The following PDE4D variants were observed in gnomAD, a reference collection of about 807,000 sequenced individuals.
The protein encoded by PDE4D is phosphodiesterase 4D, also known as 3',5'-cyclic-AMP phosphodiesterase 4D.
PDE4D carries 24 observed loss-of-function variants against 87.4 expected under a neutral mutation model. That is an observed-to-expected ratio of 0.27 (90% confidence interval 0.20 to 0.39). PDE4D has a LOEUF of 0.39. Ranked by LOEUF, PDE4D falls within the 10% of genes least tolerant of loss-of-function variation. PDE4D has a pLI of 1.00. For synonymous variants in PDE4D, 384 were observed against 383.2 expected, an observed-to-expected ratio of 1.00 and a Z score of -0.02; for missense variants, 714 against 1,041.0, an observed-to-expected ratio of 0.69 and a Z score of 4.32.
At chr5:60,347,698 C>T (rs1359363916) in intron 1 of PDE4D, among the ~76,000 whole-genome samples, 1 of 152,116 alleles carries the variant, frequency 6.6e-6, no homozygotes, top group Non-Finnish European at 1.5e-5. Context: ...CAGCTAAAAG[C>T]ACTACTGAAG....
chr5:59,770,355 A>G (rs928528128), intron 1 of PDE4D, among the ~76,000 whole-genome samples: 1 of 152,190 alleles, frequency 6.6e-6, no homozygotes, highest in African/African-American at 2.4e-5. Flanking sequence ...AAAGGATTGG[A>G]CAATACTTAG....
intron 1 of PDE4D, among the ~76,000 whole-genome samples, chr5:59,308,433 C>A (rs894548050): frequency 6.6e-6 from 1 of 152,056 alleles, no homozygotes; most frequent in South Asian, 2.1e-4. Flanking sequence ...TTGGTAATGG[C>A]AAATTTTCTC....
chr5:59,768,698 G>GT, intron 1 of PDE4D: 1 of 1,379,078 alleles, frequency 7.3e-7, no homozygotes. Flanking sequence ...CCGCGGAAGC[G>GT]TATTAAACGT....
At chr5:60,257,222 GAGAAAGAAAGAAAGAA>G (rs142753730) in intron 1 of PDE4D, among the ~76,000 whole-genome samples, 5 of 143,242 alleles carry the variant, frequency 3.5e-5, no homozygotes, top group African/African-American at 5.3e-5. Flanking sequence ...AAGAAAGAAA[GAGAAAGAAAGAAAGAA>G]AGAAAGAAAG....
intron 1 of PDE4D, among the ~76,000 whole-genome samples, chr5:59,446,006 A>T (rs1798287632): frequency 1.3e-5 from 2 of 152,176 alleles, no homozygotes; most frequent in Admixed American, 1.3e-4. Flanking sequence ...TAACTAAATA[A>T]CTGAGCTAAT....
intron 5 of PDE4D, among the ~76,000 whole-genome samples, chr5:59,093,434 T>C (rs898503712): frequency 6.6e-6 from 1 of 152,210 alleles, no homozygotes; most frequent in Admixed American, 6.5e-5. Context: ...TTTGAAAGCC[T>C]ATAGAGTTTG....
intron 5 of PDE4D, among the ~76,000 whole-genome samples, chr5:59,067,307 G>A (rs980720047): frequency 6.6e-6 from 1 of 152,050 alleles, no homozygotes; most frequent in African/African-American, 2.4e-5. Flanking sequence ...ATGAGCCACT[G>A]TGCCTGGCTA....
At chr5:59,614,496 A>G (rs1167182974) in intron 1 of PDE4D, among the ~76,000 whole-genome samples, 1 of 152,238 alleles carries the variant, frequency 6.6e-6, no homozygotes, top group African/African-American at 2.4e-5. Context: ...CTATTATTGC[A>G]TACAATCATA....
intron 5 of PDE4D, among the ~76,000 whole-genome samples, chr5:59,180,084 T>C (rs1741125845): frequency 6.6e-6 from 1 of 152,214 alleles, no homozygotes; most frequent in African/African-American, 2.4e-5. Flanking sequence ...GCATTGTATA[T>C]TAACTTCTCT....
chr5:59,768,870 T>C (rs1053508934), intron 1 of PDE4D, among the ~76,000 whole-genome samples: 1 of 152,182 alleles, frequency 6.6e-6, no homozygotes, highest in Non-Finnish European at 1.5e-5. Context: ...TGACTTCTGC[T>C]GCTTATGTAC....
intron 1 of PDE4D, among the ~76,000 whole-genome samples, chr5:59,567,948 C>T (rs1821219074): frequency 1.3e-5 from 2 of 152,142 alleles, no homozygotes; most frequent in South Asian, 4.1e-4. Flanking sequence ...AAATATATGT[C>T]CTTGCTCTGT....
At chr5:59,048,727 G>A (rs1163548946) in intron 5 of PDE4D, among the ~76,000 whole-genome samples, 1 of 152,102 alleles carries the variant, frequency 6.6e-6, no homozygotes, top group Non-Finnish European at 1.5e-5. Flanking sequence ...AGAAAGTTCT[G>A]GAGTATATTT....
chr5:59,229,790 ATTAC>A (rs1157045435), intron 1 of PDE4D, among the ~76,000 whole-genome samples: 1 of 152,154 alleles, frequency 6.6e-6, no homozygotes, highest in Non-Finnish European at 1.5e-5. Context: ...ACCTTATATC[ATTAC>A]TTAATTAATT....
At chr5:59,432,889 A>G (rs1441129713) in intron 1 of PDE4D, among the ~76,000 whole-genome samples, 45 of 152,262 alleles carry the variant, frequency 3.0e-4, no homozygotes, top group Non-Finnish European at 2.9e-5. Flanking sequence ...TATGAAGAGA[A>G]TAAATATAGC....
chr5:59,237,564 A>T (rs1459530173), intron 1 of PDE4D, among the ~76,000 whole-genome samples: 1 of 152,154 alleles, frequency 6.6e-6, no homozygotes, highest in Non-Finnish European at 1.5e-5. Flanking sequence ...TTTACAAGAC[A>T]TCGACAGGTG....
At chr5:59,244,085 G>A (rs182238938) in intron 1 of PDE4D, among the ~76,000 whole-genome samples, 4 of 152,102 alleles carry the variant, frequency 2.6e-5, no homozygotes, top group East Asian at 3.9e-4. Context: ...TAAATGACAC[G>A]AGAAAATACT....
chr5:60,015,726 A>C (rs72753256), intron 2 of PDE4D, among the ~76,000 whole-genome samples: 1 of 152,090 alleles, frequency 6.6e-6, no homozygotes, highest in East Asian at 1.9e-4. Flanking sequence ...AGGCCTTAAG[A>C]GCAACAATAA....
At chr5:59,430,326 G>A in intron 1 of PDE4D, 1 of 1,231,312 alleles carries the variant, frequency 8.1e-7, no homozygotes, top group Non-Finnish European at 1.0e-6. Context: ...CAATTGGCAT[G>A]TTGATCGCGT....
intron 1 of PDE4D, among the ~76,000 whole-genome samples, chr5:59,451,794 C>A (rs1219988782): frequency 1.3e-5 from 2 of 152,200 alleles, no homozygotes; most frequent in African/African-American, 4.8e-5. Context: ...CTATACAATG[C>A]AGCCACTGAC....
Sources: gnomAD v4.1 joint callset for allele counts (sites outside exome capture counted in the v4.1 genomes callset) on GRCh38, gnomAD v4.1.1 for gene constraint, MANE v1.5 for transcripts, NCBI Gene and HGNC (gene_info 2026-07-23, HGNC 2026-07-21) for gene names.